RAP1GAP2: variants seen among roughly 807,000 people sequenced by gnomAD.
The protein encoded by RAP1GAP2 is RAP1 GTPase activating protein 2.
RAP1GAP2 carries 27 observed loss-of-function variants against 95.0 expected under a neutral mutation model. That is an observed-to-expected ratio of 0.28 (90% CI 0.21 to 0.39). The LOEUF (loss-of-function observed/expected upper bound fraction) is 0.39. Ranked by LOEUF, RAP1GAP2 falls within the 10% of genes least tolerant of loss-of-function variation. The pLI, the probability that RAP1GAP2 is intolerant of heterozygous loss-of-function variation, is 1.00. For missense variants in RAP1GAP2, 771 were observed against 970.0 expected (o/e 0.79, Z 2.72); for synonymous variants, 373 against 380.9 (o/e 0.98, Z 0.24).
intron 3 of RAP1GAP2, among the ~76,000 whole-genome samples, chr17:2,943,130 C>T (rs1439302480): frequency 1.3e-5 from 2 of 151,950 alleles, no homozygotes; most frequent in Non-Finnish European, 2.9e-5. Flanking sequence ...TCCCCACTTT[C>T]TCCTCCCCCC....
At chr17:2,898,667 C>T (rs1043163149) in intron 2 of RAP1GAP2, among the ~76,000 whole-genome samples, 4 of 152,212 alleles carry the variant, frequency 2.6e-5, no homozygotes, top group Non-Finnish European at 5.9e-5. Context: ...TGTCCCTGCC[C>T]CCGTCCACCT....
rs867183095 is a variant in RAP1GAP2, at chr17:2,796,538, G to A, written c.11G>A (p.Arg4Gln). MFG[R>Q]KRSVSFGGFG... ...TCTGCAGCCACAACCATGTTTGGCC[G>A]GAAGCGCAGTGTCTCCTTTGGGGGC... Residue 4 changes from arginine (R) to glutamine (Q), a missense_variant, in exon 1 of 25, where the codon CGG (arginine) becomes CAG (glutamine). Arg to Gln is a conservative substitution (Grantham distance 43). Coordinates refer to ENST00000254695, the MANE Select transcript of RAP1GAP2 (RefSeq NM_015085.5). The surrounding 1 kb of genome is among the most constrained non-coding windows in gnomAD (Gnocchi z 4.7). 5.1e-6 allele frequency: 8 copies of A among 1,563,932 alleles called. No individual in the cohort carries two copies. The highest frequency in any genetic ancestry group is 6.1e-6 in the Non-Finnish European group (7 of 1,154,226).
intron 2 of RAP1GAP2, among the ~76,000 whole-genome samples, chr17:2,826,558 T>G (rs1161671923): frequency 1.3e-5 from 2 of 150,744 alleles, no homozygotes; most frequent in Non-Finnish European, 3.0e-5. Context: ...TTGGGAGCTT[T>G]GGGGATGGAT....
At chr17:2,814,660 C>T (rs2069924841) in intron 2 of RAP1GAP2, among the ~76,000 whole-genome samples, 4 of 152,082 alleles carry the variant, frequency 2.6e-5, no homozygotes, top group Admixed American at 1.3e-4. Context: ...CTGTTTGTTA[C>T]CCAGGTGAGG....
chr17:2,958,732 G>C (rs1028894941), intron 4 of RAP1GAP2, among the ~76,000 whole-genome samples: 10 of 152,066 alleles, frequency 6.6e-5, no homozygotes, highest in African/African-American at 2.4e-4. Flanking sequence ...GGTGCTCCAG[G>C]CTCAAGGGAG....
At position 2,890,830 on chromosome 17, in the gene RAP1GAP2, G is replaced by A. The variant is rs924976311; in HGVS notation, c.81-14454G>A. 1.1e-4 allele frequency among the ~76,000 whole-genome samples: 16 copies of A among 151,810 alleles called. No homozygotes were observed. In the South Asian group the frequency reaches 2.9e-3, roughly 28 times the overall value. On this transcript the variant is annotated intron_variant, in intron 2 of 24. Transcript: ENST00000254695. ...CTCCCGAGTAGCTGGGACCACAGGC[G>A]CCCGCCACCACGCCCGGCTAATTTT...
At chr17:2,980,499 G>T in intron 9 of RAP1GAP2, 134 bp downstream of exon 9, 1 of 837,462 alleles carries the variant, frequency 1.2e-6, no homozygotes, top group South Asian at 1.5e-5. Flanking sequence ...TTTGGCCATT[G>T]ACTGCACTGA....
chr17:3,010,257 GTGAACCCGGGAGGCGGA>G (rs2046477125), intron 17 of RAP1GAP2, among the ~76,000 whole-genome samples: 1 of 148,634 alleles, frequency 6.7e-6, no homozygotes, highest in African/African-American at 2.5e-5. Context: ...GGAGAATCAC[GTGAACCCGGGAGGCGGA>G]GGTTGCAGTG....
chr17:2,828,740 A>G (rs1278161317), intron 2 of RAP1GAP2, among the ~76,000 whole-genome samples: 1 of 152,090 alleles, frequency 6.6e-6, no homozygotes, highest in African/African-American at 2.4e-5. Context: ...CTGGGGAGAT[A>G]AGCCCTGGCC....
rs923226341 is a variant in RAP1GAP2, at chr17:3,004,688, G to A, written c.1201-681G>A. ...ACCCTCAGTTCCTAGCCTGGGCCTAGGACTGGCTGACCCCGTGTGTGGGGC... is the reference window on the plus strand; with the variant it reads ...ACCCTCAGTTCCTAGCCTGGGCCTAAGACTGGCTGACCCCGTGTGTGGGGC... On this transcript the variant is annotated intron_variant, in intron 14 of 24. Coordinates refer to ENST00000254695, the MANE Select transcript of RAP1GAP2 (RefSeq NM_015085.5). This position sits in a 1 kb window ranked among gnomAD's most constrained non-coding sequence, Gnocchi z 4.1. 1.4e-4 allele frequency among the ~76,000 whole-genome samples: 21 copies of A among 152,210 alleles called. No homozygotes were observed. Among genetic ancestry groups the A allele is most frequent in the Admixed American group, 1.3e-4 (2 of 15,284 alleles).
At chr17:2,975,460 G>C (rs190686400) in intron 8 of RAP1GAP2, among the ~76,000 whole-genome samples, 159 of 152,312 alleles carry the variant, frequency 1.0e-3, no homozygotes, top group Non-Finnish European at 1.8e-3. Flanking sequence ...TATAGCAATA[G>C]TAATATCAGA....
At chr17:2,905,486 C>G in intron 3 of RAP1GAP2, 118 bp downstream of exon 3, 1 of 949,088 alleles carries the variant, frequency 1.1e-6, no homozygotes, top group Non-Finnish European at 1.6e-6. Context: ...GTGGAGTGTC[C>G]TGACACCTCG....
rs186847898 is a variant in RAP1GAP2, at chr17:2,849,221, A to G, written c.80+48671A>G. 5.5e-3 allele frequency among the ~76,000 whole-genome samples: 834 copies of G among 152,240 alleles called. 5 individuals are homozygous for G. The highest frequency in any genetic ancestry group is 0.019 in the African/African-American group (792 of 41,548). On this transcript the variant is annotated intron_variant, in intron 2 of 24. Transcript: ENST00000254695. ...GTGGAGGGGAGGGGCAAGGCGTTTG[A>G]AGACATCTGGTTTTCATCAAAGGCC...
At chr17:2,881,210 G>A (rs910039700) in intron 2 of RAP1GAP2, among the ~76,000 whole-genome samples, 9 of 151,488 alleles carry the variant, frequency 5.9e-5, no homozygotes, top group African/African-American at 1.9e-4. Context: ...GGAGTGAGCC[G>A]AGATCGTGCC....
At chr17:2,894,400 A>G (rs1401362772) in intron 2 of RAP1GAP2, among the ~76,000 whole-genome samples, 2 of 152,236 alleles carry the variant, frequency 1.3e-5, no homozygotes, top group African/African-American at 4.8e-5. Flanking sequence ...ACTGCTCTCC[A>G]GACTGGGTGA....
At chr17:2,845,510 A>G (rs971263433) in intron 2 of RAP1GAP2, among the ~76,000 whole-genome samples, 1 of 152,204 alleles carries the variant, frequency 6.6e-6, no homozygotes, top group African/African-American at 2.4e-5. Flanking sequence ...TGTCCAGAAA[A>G]ATCTCCCACA....
intron 2 of RAP1GAP2, among the ~76,000 whole-genome samples, chr17:2,889,209 A>C (rs12937958): frequency 0.49 from 74,187 of 152,038 alleles, 18,337 homozygotes; most frequent in Admixed American, 0.55. Context: ...ATCGTGTCTC[A>C]GGCTCTTGAG....
intron 3 of RAP1GAP2, among the ~76,000 whole-genome samples, chr17:2,951,301 T>G (rs2043916758): frequency 6.6e-6 from 1 of 152,218 alleles, no homozygotes. Flanking sequence ...TCCTCACCCC[T>G]CTCTATCCAG....
intron 14 of RAP1GAP2, among the ~76,000 whole-genome samples, chr17:3,001,321 C>T (rs987554245): frequency 1.1e-3 from 95 of 86,532 alleles, no homozygotes; most frequent in African/African-American, 5.1e-3. Flanking sequence ...TTCCTGATGC[C>T]GGAGAAGGGA....
Sources: allele counts gnomAD v4.1 joint callset (sites outside exome capture counted in the v4.1 genomes callset), GRCh38; gene constraint gnomAD v4.1.1; non-coding constraint Gnocchi (gnomAD v3.1); transcripts MANE v1.5; gene names NCBI Gene and HGNC (gene_info 2026-07-23, HGNC 2026-07-21).